The following KIF6 variants were observed in gnomAD, a reference collection of about 807,000 sequenced individuals.
KIF6 encodes the protein kinesin family member 6.
A neutral mutation model predicts 112.7 loss-of-function variants in KIF6; 106 were observed. The observed-to-expected ratio is 0.94, with a 90% CI of 0.80 to 1.11. KIF6 has a LOEUF of 1.11. Ranked by LOEUF, KIF6 falls within the 50% of genes least tolerant of loss-of-function variation. KIF6 has a pLI of 0.00. For synonymous variants in KIF6, 339 were observed against 339.9 expected (o/e 1.00, Z 0.03); for missense variants, 929 against 964.0 (o/e 0.96, Z 0.48).
chr6:39,383,430 T>C (rs1395834248), intron 16 of KIF6, among the ~76,000 whole-genome samples: 1 of 152,232 alleles, frequency 6.6e-6, no homozygotes, highest in Admixed American at 6.5e-5. Context: ...CTTTCCCCAT[T>C]GTTTATTTTT....
chr6:39,478,289 A>G (rs985697356), intron 13 of KIF6, among the ~76,000 whole-genome samples: 1 of 151,762 alleles, frequency 6.6e-6, no homozygotes, highest in Admixed American at 6.6e-5. Flanking sequence ...GTGAGAACAT[A>G]TGATGTTTGG....
chr6:39,402,692 A>G (rs1356710175), intron 15 of KIF6, among the ~76,000 whole-genome samples: 3 of 152,158 alleles, frequency 2.0e-5, no homozygotes, highest in Admixed American at 6.5e-5. Flanking sequence ...GGTGGTTTAT[A>G]AGGGGAGTCT....
At chr6:39,539,952 A>C in intron 13 of KIF6, 51 bp downstream of exon 13, 1 of 1,378,586 alleles carries the variant, frequency 7.3e-7, no homozygotes, top group Non-Finnish European at 1.0e-6. Flanking sequence ...AGGGTGCTAC[A>C]TCGAAATCCA....
intron 3 of KIF6, among the ~76,000 whole-genome samples, chr6:39,712,500 G>GC (rs1309068761): frequency 1.3e-5 from 2 of 152,084 alleles, no homozygotes; most frequent in African/African-American, 4.8e-5. Flanking sequence ...ATAAAACGAA[G>GC]CCCCTGCCTT....
At chr6:39,672,072 G>A (rs1786847599) in intron 3 of KIF6, among the ~76,000 whole-genome samples, 1 of 152,188 alleles carries the variant, frequency 6.6e-6, no homozygotes. Context: ...TACCTTACAT[G>A]TTTAATATTA....
intron 20 of KIF6, 41 bp downstream of exon 20, chr6:39,346,422 TGTGAGGATGCGTC>T (rs1271424560): frequency 7.0e-6 from 5 of 716,646 alleles, no homozygotes; most frequent in Non-Finnish European, 1.3e-5. Flanking sequence ...CCTTCCACCA[TGTGAGGATGCGTC>T]GAGAAGACAG....
At chr6:39,502,465 T>C (rs1391684861) in intron 13 of KIF6, among the ~76,000 whole-genome samples, 1 of 152,160 alleles carries the variant, frequency 6.6e-6, no homozygotes, top group African/African-American at 2.4e-5. Flanking sequence ...GCTAGCATCA[T>C]GATGACAGGA....
chr6:39,419,945 T>C lies in KIF6; in HGVS notation c.1810+3A>G. The C allele has an allele frequency of 6.2e-7, 1 of 1,611,454 alleles. No homozygotes were observed. Among genetic ancestry groups the C allele is most frequent in the East Asian group, 2.2e-5 (1 of 44,878 alleles). ...AGAGGCTCACAGAATATCATCTGCT[T>C]ACCAATTTTACTTCTTGCTTCATTT... On this transcript the variant is annotated splice_donor_region_variant and intron_variant, in intron 15 of 22. Transcript: ENST00000287152.
chr6:39,369,420 G>A (rs576697173), intron 16 of KIF6, among the ~76,000 whole-genome samples: 1 of 152,278 alleles, frequency 6.6e-6, no homozygotes, highest in Non-Finnish European at 1.5e-5. Context: ...TTCCCCTCAG[G>A]AAGAGCAGGG....
At chr6:39,461,397 T>C (rs1046577276) in intron 13 of KIF6, among the ~76,000 whole-genome samples, 2 of 152,142 alleles carry the variant, frequency 1.3e-5, no homozygotes, top group African/African-American at 4.8e-5. Context: ...CACCTTTACC[T>C]TCCTCTCACT....
At chr6:39,337,155 T>TTTTCCTTCCTTCCTTCCTTTC (rs1554195029) in intron 22 of KIF6, among the ~76,000 whole-genome samples, 12 of 53,698 alleles carry the variant, frequency 2.2e-4, no homozygotes, top group East Asian at 1.9e-3. Flanking sequence ...TTTCTCTTTC[T>TTTTCCTTCCTTCCTTCCTTTC]TTTCTTTCTT....
chr6:39,582,507 G>A (rs1289974592), intron 9 of KIF6, among the ~76,000 whole-genome samples: 2 of 152,072 alleles, frequency 1.3e-5, no homozygotes, highest in Non-Finnish European at 2.9e-5. Context: ...TACCTCCTGG[G>A]TTCAAGCAAT....
At chr6:39,502,423 G>A (rs1776187295) in intron 13 of KIF6, among the ~76,000 whole-genome samples, 1 of 151,978 alleles carries the variant, frequency 6.6e-6, no homozygotes, top group South Asian at 2.1e-4. Context: ...ACACTATGAA[G>A]CAATCACATA....
intron 19 of KIF6, among the ~76,000 whole-genome samples, chr6:39,350,680 C>T (rs907687943): frequency 6.6e-6 from 1 of 152,220 alleles, no homozygotes; most frequent in Non-Finnish European, 1.5e-5. Flanking sequence ...AGACAGGGTT[C>T]CCTACCTGGC....
chr6:39,621,950 G>T (rs1783843903), intron 5 of KIF6, among the ~76,000 whole-genome samples: 1 of 152,078 alleles, frequency 6.6e-6, no homozygotes, highest in Non-Finnish European at 1.5e-5. Context: ...TGGATCACCT[G>T]AGGTCAGGAG....
chr6:39,710,980 T>C (rs914370963), intron 3 of KIF6, among the ~76,000 whole-genome samples: 2 of 151,780 alleles, frequency 1.3e-5, no homozygotes, highest in African/African-American at 4.8e-5. Context: ...TGAGCTGTGA[T>C]CATGCCACTG....
chr6:39,586,285 G>A lies in KIF6; in HGVS notation c.966C>T (p.Leu322=). 5.6e-6 allele frequency: 9 copies of A among 1,614,192 alleles called. No homozygotes were observed. The highest frequency in any genetic ancestry group is 6.8e-6 in the Non-Finnish European group (8 of 1,180,018). ...GNCMTTMIAT[L]SLEKRNLDES... ...CATCAAGATTCCTTTTCTCCAAGGA[G>A]AGTGTTGCAATCATAGTTGTCATGC... Residue 322 remains leucine, a synonymous_variant, in exon 8 of 23, where the codon CTC becomes CTT. Transcript: ENST00000287152.
intron 10 of KIF6, among the ~76,000 whole-genome samples, chr6:39,563,543 G>C (rs1490351270): frequency 6.6e-6 from 1 of 152,118 alleles, no homozygotes; most frequent in African/African-American, 2.4e-5. Context: ...CATTGACATG[G>C]ATAACTGTTG....
intron 13 of KIF6, among the ~76,000 whole-genome samples, chr6:39,499,160 G>A (rs1442908245): frequency 6.6e-6 from 1 of 152,090 alleles, no homozygotes; most frequent in Non-Finnish European, 1.5e-5. Context: ...GCCCTTAGAG[G>A]GGTTAGAGTC....
Sources: gnomAD v4.1 joint callset for allele counts (sites outside exome capture counted in the v4.1 genomes callset) on GRCh38, gnomAD v4.1.1 for gene constraint, MANE v1.5 for transcripts, NCBI Gene and HGNC (gene_info 2026-07-23, HGNC 2026-07-21) for gene names.